The following FOXK1 variants were observed in gnomAD, a reference collection of about 807,000 sequenced individuals.
FOXK1 encodes forkhead box protein K1.
In FOXK1, 19 loss-of-function variants were observed where a neutral mutation model predicts 51.9. That is an observed-to-expected ratio of 0.37 (90% CI 0.26 to 0.54). The LOEUF (loss-of-function observed/expected upper bound fraction) is 0.54. Among genes scored for constraint, FOXK1 ranks in the 20% least tolerant of loss-of-function variants. The pLI, the probability that FOXK1 is intolerant of heterozygous loss-of-function variation, is 0.87. For missense variants in FOXK1, 870 were observed against 1,032.7 expected (o/e 0.84, Z 2.16); for synonymous variants, 537 against 482.6 (o/e 1.11, Z -1.48).
chr7:4,754,094 C>A (rs993294017), intron 2 of FOXK1, among the ~76,000 whole-genome samples: 11 of 152,188 alleles, frequency 7.2e-5, no homozygotes, highest in African/African-American at 2.7e-4. Context: ...GAGCCAGCAG[C>A]CCGCGGAGGC....
At chr7:4,737,498 GTGTGTGGGCGTGTCCGTGCA>G (rs1430584036) in intron 1 of FOXK1, among the ~76,000 whole-genome samples, 4 of 151,670 alleles carry the variant, frequency 2.6e-5, no homozygotes, top group African/African-American at 9.7e-5. Context: ...GTGTGCGTGG[GTGTGTGGGCGTGTCCGTGCA>G]TGCATGTGTG....
intron 1 of FOXK1, among the ~76,000 whole-genome samples, chr7:4,725,350 G>C (rs1274940701): frequency 6.6e-6 from 1 of 152,228 alleles, no homozygotes; most frequent in Non-Finnish European, 1.5e-5. Context: ...CGGGGGCGCT[G>C]CTTTTGTTCA....
intron 1 of FOXK1, among the ~76,000 whole-genome samples, chr7:4,738,849 G>A (rs1014417555): frequency 6.6e-6 from 1 of 152,300 alleles, no homozygotes; most frequent in Admixed American, 6.5e-5. Context: ...CAGCTTAAGT[G>A]CCTGATTTTC....
Position 4,762,559 on chromosome 7 carries a change from A to G in FOXK1, c.*95A>G. On this transcript the variant is annotated 3_prime_UTR_variant, in exon 9 of 9. Coordinates refer to ENST00000328914, the MANE Select transcript of FOXK1 (RefSeq NM_001037165.2). The surrounding 1 kb of genome is among the most constrained non-coding windows in gnomAD (Gnocchi z 5.7). ...CGGCCGCACCCACAGACGGAGGAGA[A>G]CAGCCCGCGGCGGCCTGTGGGCATC... The G allele has an allele frequency of 7.6e-7, 1 of 1,323,974 alleles. No individual in the cohort carries two copies. Among genetic ancestry groups the G allele is most frequent in the Non-Finnish European group, 1.0e-6 (1 of 983,978 alleles). 82.0% of individuals were successfully genotyped at this position (1,323,974 alleles called of 1,614,324 possible).
Position 4,683,067 on chromosome 7 carries a change from G to A in FOXK1, c.560+199G>A, listed in dbSNP as rs1172699472. Among the ~76,000 whole-genome samples the A allele has an allele frequency of 2.8e-5, 3 of 108,586 alleles. No individual in the cohort carries two copies. Among genetic ancestry groups the A allele is most frequent in the Admixed American group, 2.3e-4 (2 of 8,798 alleles). The allele number at this position is 108,586 out of a possible 152,430, so 71.2% of individuals were successfully genotyped here. ...CCTCCTGGCTCCCTAGGATCACCCCGACCCCGATCCTGGAGGCTCCAGCCT... is the reference window on the plus strand; with the variant it reads ...CCTCCTGGCTCCCTAGGATCACCCCAACCCCGATCCTGGAGGCTCCAGCCT... On this transcript the variant is annotated intron_variant, in intron 1 of 8. Transcript: ENST00000328914. This position sits in a 1 kb window ranked among gnomAD's most constrained non-coding sequence, Gnocchi z 4.5.
chr7:4,759,613 G>A lies in FOXK1; in HGVS notation c.1696+18G>A. On this transcript the variant is annotated intron_variant, in intron 7 of 8. Transcript: ENST00000328914. ...GGCCAGAGGTAATGCAGCCGCGGCT[G>A]GCAGCCTTCGCAGGACCCTTTGTGG... is the stretch of plus-strand genomic sequence containing the variant. 1 of 1,527,926 alleles carries A rather than the reference G, an allele frequency of 6.5e-7. No homozygotes were observed. Among genetic ancestry groups the A allele is most frequent in the Non-Finnish European group, 8.8e-7 (1 of 1,141,994 alleles). The allele number at this position is 1,527,926 out of a possible 1,614,324, so 94.6% of individuals were successfully genotyped here.
intron 2 of FOXK1, among the ~76,000 whole-genome samples, chr7:4,741,229 C>T (rs1780629683): frequency 6.6e-6 from 1 of 152,210 alleles, no homozygotes; most frequent in South Asian, 2.1e-4. Flanking sequence ...CTGATCATCA[C>T]TTTTCCCACT....
intron 7 of FOXK1, among the ~76,000 whole-genome samples, chr7:4,760,566 C>G (rs1023851250): frequency 3.3e-5 from 5 of 152,140 alleles, no homozygotes; most frequent in African/African-American, 1.2e-4. Flanking sequence ...AAATACTGTT[C>G]TAGGCCGGGC....
rs941060812 is a variant in FOXK1 at position 4,769,333 on chromosome 7, C to G, written c.*6869C>G. 6.6e-6 allele frequency: 1 copy of G among 152,330 alleles called. No homozygotes were observed. Among genetic ancestry groups the G allele is most frequent in the East Asian group, 1.9e-4 (1 of 5,180 alleles). The allele number at this position is 152,330 out of a possible 1,614,324, so 9.4% of individuals were successfully genotyped here. A position where few individuals can be genotyped will look rare whatever the true frequency, so the allele number is the denominator to read the frequency against. ...TGCGGAGGGCCCCCCGCCCCCATCC[C>G]GCTTCAGGCCCCAGTGACCCAGTTG... On this transcript the variant is annotated 3_prime_UTR_variant, in exon 9 of 9. Coordinates refer to ENST00000328914, the MANE Select transcript of FOXK1 (RefSeq NM_001037165.2). The surrounding 1 kb of genome is among the most constrained non-coding windows in gnomAD (Gnocchi z 4.1).
chr7:4,711,837 G>T lies in FOXK1; in HGVS notation c.560+28969G>T, dbSNP rs991740406. Reference sequence around the variant, plus strand: ...GCAAGGTCAGAGAGAAAAGATTGCGGCCGGCCGGTGTCAAGGCGGGGGACC... The same window carrying T: ...GCAAGGTCAGAGAGAAAAGATTGCGTCCGGCCGGTGTCAAGGCGGGGGACC... On this transcript the variant is annotated intron_variant, in intron 1 of 8. Transcript: ENST00000328914. This position sits in a 1 kb window ranked among gnomAD's most constrained non-coding sequence, Gnocchi z 6.3. Among the ~76,000 whole-genome samples the T allele has an allele frequency of 7.2e-5, 11 of 152,164 alleles. 1 individual carries two copies. Among genetic ancestry groups the T allele is most frequent in the Admixed American group, 3.9e-4 (6 of 15,280 alleles).
intron 5 of FOXK1, among the ~76,000 whole-genome samples, chr7:4,757,844 C>T (rs927410045): frequency 6.6e-6 from 1 of 152,046 alleles, no homozygotes; most frequent in Non-Finnish European, 1.5e-5. Context: ...TTGGTACCCA[C>T]AACCCCCGCC....
chr7:4,744,397 C>T (rs1232560736), intron 2 of FOXK1, among the ~76,000 whole-genome samples: 1 of 152,182 alleles, frequency 6.6e-6, no homozygotes, highest in African/African-American at 2.4e-5. Flanking sequence ...TTTCACCCCT[C>T]GCCCTCTCCC....
chr7:4,696,828 G>A (rs972824868), intron 1 of FOXK1, among the ~76,000 whole-genome samples: 4 of 152,232 alleles, frequency 2.6e-5, no homozygotes, highest in African/African-American at 9.6e-5. Flanking sequence ...AACACTTTGG[G>A]AGGCTGAGGT....
chr7:4,737,983 G>A (rs1315988064), intron 1 of FOXK1, among the ~76,000 whole-genome samples: 5 of 152,054 alleles, frequency 3.3e-5, no homozygotes, highest in African/African-American at 2.4e-5. Flanking sequence ...TTAGCTGGGC[G>A]TGGTGGCGCA....
rs140285788 is a variant in FOXK1, at chr7:4,739,974, A to T, written c.561-864A>T. ...GCGGCACTTGTCTGGGGATATTTAT[A>T]TCTCTTCTGTTCTCACACACAGTAG... is the stretch of plus-strand genomic sequence containing the variant. On this transcript the variant is annotated intron_variant, in intron 1 of 8. Coordinates refer to ENST00000328914, the MANE Select transcript of FOXK1 (RefSeq NM_001037165.2). Among the ~76,000 whole-genome samples, 536 of 152,104 alleles carry T rather than the reference A, an allele frequency of 3.5e-3. 5 individuals are homozygous for T. Among genetic ancestry groups the T allele is most frequent in the African/African-American group, 0.012 (513 of 41,396 alleles).
chr7:4,762,119 G>A lies in FOXK1; in HGVS notation c.1922-65G>A. 6.7e-7 allele frequency: 1 copy of A among 1,497,622 alleles called. No individual in the cohort carries two copies. The highest frequency in any genetic ancestry group is 2.5e-5 in the East Asian group (1 of 40,210). The allele number at this position is 1,497,622 out of a possible 1,614,324, so 92.8% of individuals were successfully genotyped here. ...TTGGTGGCTTAGCCCCTGTATAGGG[G>A]ACTTGAAAAAAGCAGCTGGGTCCTA... On this transcript the variant is annotated intron_variant, in intron 8 of 8. Transcript: ENST00000328914. This position sits in a 1 kb window ranked among gnomAD's most constrained non-coding sequence, Gnocchi z 5.7.
chr7:4,767,529 G>T lies in FOXK1; in HGVS notation c.*5065G>T, dbSNP rs893148552. The T allele has an allele frequency of 3.3e-5, 5 of 152,258 alleles. No individual in the cohort carries two copies. Among genetic ancestry groups the T allele is most frequent in the African/African-American group, 1.2e-4 (5 of 41,464 alleles). 9.4% of individuals were successfully genotyped at this position (152,258 alleles called of 1,614,324 possible). A position where few individuals can be genotyped will look rare whatever the true frequency, so the allele number is the denominator to read the frequency against. ...ATACTTTACATTGCTCACATGTGCT[G>T]CTATGAAGACAGGATTAGTCTGTAG... On this transcript the variant is annotated 3_prime_UTR_variant, in exon 9 of 9. Coordinates refer to ENST00000328914, the MANE Select transcript of FOXK1 (RefSeq NM_001037165.2). The surrounding 1 kb of genome is among the most constrained non-coding windows in gnomAD (Gnocchi z 6.6).
Position 4,766,110 on chromosome 7 carries a change from C to T in FOXK1, c.*3646C>T, listed in dbSNP as rs577632482. The T allele has an allele frequency of 2.6e-5, 4 of 152,298 alleles. No individual in the cohort carries two copies. In the East Asian group the frequency reaches 7.7e-4, roughly 29 times the overall value. The allele number at this position is 152,298 out of a possible 1,614,324, so 9.4% of individuals were successfully genotyped here. On this transcript the variant is annotated 3_prime_UTR_variant, in exon 9 of 9. Transcript: ENST00000328914. The surrounding 1 kb of genome is among the most constrained non-coding windows in gnomAD (Gnocchi z 5.5). ...AGTTCTCCCGGTGACACCTGCCCTC[C>T]GTTGAGGGTGGAATCTGTCACTCAT...
chr7:4,761,337 C>A lies in FOXK1; in HGVS notation c.1921+49C>A. On this transcript the variant is annotated intron_variant, in intron 8 of 8. Transcript: ENST00000328914. The surrounding 1 kb of genome is among the most constrained non-coding windows in gnomAD (Gnocchi z 6.2). ...ATGCCACATCCCAAGCTCTGTGGCTCCCAGTAGTCAGTGCGGCATGAGAAT... is the reference window on the plus strand; with the variant it reads ...ATGCCACATCCCAAGCTCTGTGGCTACCAGTAGTCAGTGCGGCATGAGAAT... 6.5e-7 allele frequency: 1 copy of A among 1,548,904 alleles called. No individual in the cohort carries two copies. Among genetic ancestry groups the A allele is most frequent in the Non-Finnish European group, 8.8e-7 (1 of 1,136,392 alleles).
Sources: allele counts gnomAD v4.1 joint callset (sites outside exome capture counted in the v4.1 genomes callset), GRCh38; gene constraint gnomAD v4.1.1; non-coding constraint Gnocchi (gnomAD v3.1); transcripts MANE v1.5; gene names NCBI Gene and HGNC (gene_info 2026-07-23, HGNC 2026-07-21).